Variants in TCF12 observed in about 807,000 individuals in gnomAD.
TCF12 encodes DNA-binding protein HTF4.
Under a neutral mutation model 86.0 loss-of-function variants are expected in TCF12, and 45 were observed. The ratio of observed to expected loss-of-function variants is 0.52; its 90% CI spans 0.41 to 0.67. The LOEUF (loss-of-function observed/expected upper bound fraction) is 0.67. Ranked by LOEUF, TCF12 falls within the 30% of genes least tolerant of loss-of-function variation. The pLI is 0.00. For synonymous variants in TCF12, 330 were observed against 299.6 expected (o/e 1.10, Z -1.05); for missense variants, 881 against 859.9 (o/e 1.02, Z -0.31).
chr15:57,001,051 T>C (rs2064002735), intron 3 of TCF12, among the ~76,000 whole-genome samples: 2 of 147,626 alleles, frequency 1.4e-5, no homozygotes, highest in Admixed American at 1.4e-4. Flanking sequence ...TCTTGCTCTG[T>C]CATCACCCAG....
At chr15:57,176,941 G>T (rs556647824) in intron 6 of TCF12, among the ~76,000 whole-genome samples, 39 of 152,298 alleles carry the variant, frequency 2.6e-4, no homozygotes, top group African/African-American at 9.4e-4. Context: ...GGAGTAGATT[G>T]GTGATTTAGG....
At chr15:57,252,292 A>G in intron 14 of TCF12, 129 bp from the exon 15 acceptor site, 1 of 636,602 alleles carries the variant, frequency 1.6e-6, no homozygotes, top group South Asian at 2.1e-5. Flanking sequence ...TTAATAAAAT[A>G]GATCTCGCAA....
intron 3 of TCF12, among the ~76,000 whole-genome samples, chr15:56,982,663 T>G (rs2062951861): frequency 2.0e-5 from 3 of 152,200 alleles, no homozygotes. Context: ...AAACCATACT[T>G]TAATCTTTCA....
downstream of TCF12, among the ~76,000 whole-genome samples, chr15:57,290,096 G>C (rs2152180048): frequency 6.6e-6 from 1 of 151,636 alleles, no homozygotes; most frequent in Non-Finnish European, 1.5e-5. Context: ...TGTAATCTCA[G>C]CACTTTGGGA....
intron 12 of TCF12, among the ~76,000 whole-genome samples, chr15:57,239,141 C>T (rs1342472295): frequency 2.6e-5 from 4 of 152,098 alleles, no homozygotes; most frequent in East Asian, 1.9e-4. Context: ...TCACCTGGGT[C>T]GGGAGTTCGA....
At chr15:57,241,197 G>A (rs145775630) in intron 12 of TCF12, among the ~76,000 whole-genome samples, 8,249 of 151,678 alleles carry the variant, frequency 0.054, 638 homozygotes, top group East Asian at 0.27. Flanking sequence ...AGATTCAAGC[G>A]ATTCTCCTGC....
chr15:57,101,498 C>A (rs901958836), intron 5 of TCF12, among the ~76,000 whole-genome samples: 1 of 152,228 alleles, frequency 6.6e-6, no homozygotes, highest in Non-Finnish European at 1.5e-5. Flanking sequence ...GCGTGAGCCA[C>A]CATGCCTGGC....
intron 3 of TCF12, among the ~76,000 whole-genome samples, chr15:57,028,099 G>C (rs189959020): frequency 6.6e-6 from 1 of 152,016 alleles, no homozygotes; most frequent in South Asian, 2.1e-4. Context: ...GAGTAGCTGG[G>C]AACACAGGCA....
At chr15:57,158,766 T>G (rs1196364499) in intron 5 of TCF12, among the ~76,000 whole-genome samples, 4 of 152,216 alleles carry the variant, frequency 2.6e-5, no homozygotes, top group Non-Finnish European at 5.9e-5. Flanking sequence ...CTTGGCATTT[T>G]CCTATGCTGC....
chr15:56,987,578 G>A (rs1179913342), intron 3 of TCF12, among the ~76,000 whole-genome samples: 1 of 152,172 alleles, frequency 6.6e-6, no homozygotes, highest in Non-Finnish European at 1.5e-5. Flanking sequence ...ACTAGTCATT[G>A]TTAGGTAACT....
At chr15:57,279,629 T>C (rs1212895791) in intron 19 of TCF12, among the ~76,000 whole-genome samples, 1 of 152,206 alleles carries the variant, frequency 6.6e-6, no homozygotes, top group Non-Finnish European at 1.5e-5. Context: ...TATAGGAACC[T>C]GAAAGATCTT....
At chr15:57,199,618 T>C (rs1473556815) in intron 8 of TCF12, among the ~76,000 whole-genome samples, 1 of 152,128 alleles carries the variant, frequency 6.6e-6, no homozygotes, top group Non-Finnish European at 1.5e-5. Flanking sequence ...ACATTCGTAA[T>C]CGTAATAACA....
At chr15:57,023,403 C>T (rs190112375) in intron 3 of TCF12, among the ~76,000 whole-genome samples, 1 of 152,054 alleles carries the variant, frequency 6.6e-6, no homozygotes, top group African/African-American at 2.4e-5. Flanking sequence ...AGAGTAACCA[C>T]CCCTCCCCAT....
In TCF12 at chr15:57,025,454, T is replaced by C. The variant is rs1009114631; in HGVS notation, c.149-38296T>C. ...CCTGCTTGCGTTTTCACATTTCTTA[T>C]CTATGCACCTGAATTTTCCCTTTGG... On this transcript the variant is annotated intron_variant, in intron 3 of 20. Transcript: ENST00000333725. Among the ~76,000 whole-genome samples the C allele has an allele frequency of 1.6e-4, 25 of 152,256 alleles. No homozygotes were observed. In the East Asian group the frequency reaches 4.6e-3, roughly 28 times the overall value.
intron 5 of TCF12, among the ~76,000 whole-genome samples, chr15:57,108,155 A>G (rs1196499804): frequency 1.3e-5 from 2 of 152,216 alleles, no homozygotes; most frequent in African/African-American, 4.8e-5. Flanking sequence ...AAAAATCAAG[A>G]TAATCTGTAT....
chr15:56,938,036 G>GTTTTTTTTT (rs766226471), intron 3 of TCF12, among the ~76,000 whole-genome samples: 1 of 33,774 alleles, frequency 3.0e-5, no homozygotes, highest in Non-Finnish European at 6.3e-5. Context: ...TTTTTTTTTC[G>GTTTTTTTTT]TTTCTTTTCT....
chr15:56,934,704 G>A (rs1193962152), intron 3 of TCF12, among the ~76,000 whole-genome samples: 2 of 152,134 alleles, frequency 1.3e-5, no homozygotes, highest in African/African-American at 2.4e-5. Context: ...TTGTTTACAA[G>A]TTTTTACATT....
chr15:57,123,461 C>T (rs1015596940), intron 5 of TCF12, among the ~76,000 whole-genome samples: 2 of 151,516 alleles, frequency 1.3e-5, no homozygotes, highest in Admixed American at 1.3e-4. Flanking sequence ...TTCATTTCTT[C>T]TAATTAGGTA....
chr15:57,197,649 G>C (rs2057337627), intron 7 of TCF12, 124 bp from the exon 8 acceptor site: 2 of 992,424 alleles, frequency 2.0e-6, no homozygotes, highest in Middle Eastern at 2.4e-4. Context: ...ACTGTATTTT[G>C]CTGCTTACTC....
Sources: gnomAD v4.1 joint callset for allele counts (sites outside exome capture counted in the v4.1 genomes callset) on GRCh38, gnomAD v4.1.1 for gene constraint, MANE v1.5 for transcripts, NCBI Gene and HGNC (gene_info 2026-07-23, HGNC 2026-07-21) for gene names.